The following NTRK3 variants were observed in gnomAD, a reference collection of about 807,000 sequenced individuals.
The protein encoded by NTRK3 is NT-3 growth factor receptor.
In NTRK3, 24 loss-of-function variants were observed where a neutral mutation model predicts 91.7. The observed-to-expected ratio is 0.26, with a 90% CI of 0.19 to 0.37. The LOEUF (loss-of-function observed/expected upper bound fraction) is 0.37. Among genes scored for constraint, NTRK3 ranks in the 10% least tolerant of loss-of-function variants. The pLI is 1.00. For synonymous variants in NTRK3, 483 were observed against 404.0 expected (o/e 1.20, Z -2.34); for missense variants, 880 against 1,068.9 (o/e 0.82, Z 2.46).
At chr15:88,202,224 A>T (rs2048366009) in intron 3 of NTRK3, among the ~76,000 whole-genome samples, 1 of 152,116 alleles carries the variant, frequency 6.6e-6, no homozygotes, top group Non-Finnish European at 1.5e-5. Flanking sequence ...GGGAGGCACG[A>T]GGGGCTTTTT....
intron 14 of NTRK3, among the ~76,000 whole-genome samples, chr15:87,941,804 A>G (rs2069888254): frequency 6.6e-6 from 1 of 152,214 alleles, no homozygotes; most frequent in Non-Finnish European, 1.5e-5. Flanking sequence ...TTTGGAAAGA[A>G]TGCTACGAAG....
At chr15:87,883,983 G>T (rs1306406588) in intron 17 of NTRK3, among the ~76,000 whole-genome samples, 1 of 78,896 alleles carries the variant, frequency 1.3e-5, no homozygotes, top group Non-Finnish European at 2.9e-5. Context: ...TAAGGATTCA[G>T]CAAGAAAAAA....
chr15:88,247,831 G>A (rs2052985072), intron 3 of NTRK3, among the ~76,000 whole-genome samples: 1 of 152,196 alleles, frequency 6.6e-6, no homozygotes, highest in Non-Finnish European at 1.5e-5. Context: ...GCTTCCATGA[G>A]CAATGAAGGT....
intron 17 of NTRK3, among the ~76,000 whole-genome samples, chr15:87,886,861 C>A (rs1596090576): frequency 6.7e-6 from 1 of 148,356 alleles, no homozygotes; most frequent in Non-Finnish European, 1.5e-5. Flanking sequence ...AACCAGTGGA[C>A]CTAATTTAAG....
chr15:87,987,520 G>A (rs1317038955), intron 14 of NTRK3, among the ~76,000 whole-genome samples: 2 of 149,972 alleles, frequency 1.3e-5, no homozygotes, highest in East Asian at 3.9e-4. Flanking sequence ...TATATAGATA[G>A]ATAGATGTGT....
At chr15:88,118,876 T>C (rs1597415544) in intron 13 of NTRK3, among the ~76,000 whole-genome samples, 1 of 152,216 alleles carries the variant, frequency 6.6e-6, no homozygotes, top group East Asian at 1.9e-4. Flanking sequence ...GTAAGCACTG[T>C]GCTCTGCTGC....
At chr15:88,090,402 T>G (rs60618020) in intron 13 of NTRK3, among the ~76,000 whole-genome samples, 3,160 of 139,488 alleles carry the variant, frequency 0.023, 82 homozygotes, top group African/African-American at 0.079. Flanking sequence ...AGAAAAGGAA[T>G]GAAGGAAGGG....
intron 13 of NTRK3, among the ~76,000 whole-genome samples, chr15:88,091,164 T>A (rs1044499484): frequency 1.3e-5 from 2 of 152,184 alleles, no homozygotes; most frequent in African/African-American, 4.8e-5. Context: ...ACCTGCAGCT[T>A]ATCTTTACTG....
chr15:87,941,470 C>CAT (rs35602008), intron 14 of NTRK3, among the ~76,000 whole-genome samples: 1 of 128,640 alleles, frequency 7.8e-6, no homozygotes, highest in African/African-American at 2.8e-5. Flanking sequence ...CACACATACA[C>CAT]ATACACACAC....
intron 13 of NTRK3, among the ~76,000 whole-genome samples, chr15:88,103,513 T>C (rs2050385549): frequency 6.6e-6 from 1 of 152,218 alleles, no homozygotes; most frequent in East Asian, 1.9e-4. Context: ...TTCACCAGAG[T>C]GGCGAAAGAT....
chr15:88,029,035 C>T (rs2078291208), intron 14 of NTRK3, among the ~76,000 whole-genome samples: 1 of 152,208 alleles, frequency 6.6e-6, no homozygotes, highest in Non-Finnish European at 1.5e-5. Context: ...GGACTGGTCC[C>T]TTGACTTCTC....
At position 88,085,714 on chromosome 15, in the gene NTRK3, A is replaced by T. The variant is rs79298367; in HGVS notation, c.1396+40557T>A. Among the ~76,000 whole-genome samples, 155 of 152,372 alleles carry T rather than the reference A, an allele frequency of 1.0e-3. 1 individual carries two copies. The highest frequency in any genetic ancestry group is 3.9e-3 in the Admixed American group (59 of 15,310). ...TCTAATAACCAGACTACAAATATGC[A>T]TTGAGCCAGCCCTGCCTTCCACCTA... On this transcript the variant is annotated intron_variant, in intron 13 of 18. Coordinates refer to ENST00000394480, the Ensembl canonical transcript of NTRK3.
chr15:88,007,341 C>A (rs1467520621), intron 14 of NTRK3, among the ~76,000 whole-genome samples: 1 of 152,164 alleles, frequency 6.6e-6, no homozygotes, highest in African/African-American at 2.4e-5. Context: ...GCTCACAATA[C>A]CATACTGTTG....
At chr15:87,909,743 T>C (rs1418936972) in intron 17 of NTRK3, among the ~76,000 whole-genome samples, 1 of 152,162 alleles carries the variant, frequency 6.6e-6, no homozygotes, top group Non-Finnish European at 1.5e-5. Context: ...ATGGGGTCTG[T>C]AGGGTGGGCC....
chr15:88,186,461 A>C (rs2046953210), intron 3 of NTRK3, among the ~76,000 whole-genome samples: 1 of 152,148 alleles, frequency 6.6e-6, no homozygotes, highest in East Asian at 1.9e-4. Context: ...AAGTAGAATA[A>C]TAGTCCCCAC....
intron 17 of NTRK3, among the ~76,000 whole-genome samples, chr15:87,907,540 A>G (rs1287384509): frequency 1.3e-5 from 2 of 152,116 alleles, no homozygotes; most frequent in Admixed American, 1.3e-4. Flanking sequence ...AATACTGTAT[A>G]TTAGAAACCA....
chr15:87,967,009 G>A (rs539857389), intron 14 of NTRK3, among the ~76,000 whole-genome samples: 1 of 152,220 alleles, frequency 6.6e-6, no homozygotes, highest in South Asian at 2.1e-4. Context: ...TAGGGGACAA[G>A]ATCACCCCCA....
At chr15:87,934,376 C>T (rs143130933) in intron 15 of NTRK3, among the ~76,000 whole-genome samples, 1 of 152,172 alleles carries the variant, frequency 6.6e-6, no homozygotes, top group East Asian at 1.9e-4. Context: ...AGGGGAGTGA[C>T]AATCTAGACA....
chr15:87,985,873 G>C (rs547986133), intron 14 of NTRK3, among the ~76,000 whole-genome samples: 8 of 152,160 alleles, frequency 5.3e-5, no homozygotes, highest in African/African-American at 1.2e-4. Context: ...TCAAAAAAAG[G>C]GGGGAGGTGT....
Sources: gnomAD v4.1 joint callset for allele counts (sites outside exome capture counted in the v4.1 genomes callset) on GRCh38, gnomAD v4.1.1 for gene constraint, MANE v1.5 for transcripts, NCBI Gene and HGNC (gene_info 2026-07-23, HGNC 2026-07-21) for gene names.